C4BPA: variants seen among roughly 807,000 people sequenced by gnomAD.
The protein encoded by C4BPA is complement component 4 binding protein alpha.
In C4BPA, 31 loss-of-function variants were observed where a neutral mutation model predicts 63.7. The ratio of observed to expected loss-of-function variants is 0.49; its 90% confidence interval spans 0.37 to 0.66. C4BPA has a LOEUF of 0.66. Ranked by LOEUF, C4BPA falls within the 30% of genes least tolerant of loss-of-function variation. C4BPA has a pLI of 0.00. For synonymous variants in C4BPA, 259 were observed against 254.7 expected (o/e 1.02, Z -0.16); for missense variants, 572 against 723.3 (o/e 0.79, Z 2.40).
intron 9 of C4BPA, among the ~76,000 whole-genome samples, chr1:207,140,500 CT>C (rs79508731): frequency 8.5e-3 from 1,202 of 140,604 alleles, no homozygotes; most frequent in East Asian, 0.019. Context: ...TGCTGCTCTG[CT>C]TTTTTTTTTT....
intron 6 of C4BPA, 116 bp downstream of exon 6, chr1:207,124,482 C>A: frequency 2.7e-6 from 2 of 733,088 alleles, no homozygotes; most frequent in Non-Finnish European, 4.4e-6. Flanking sequence ...CTAACTATCG[C>A]TCTGATGCAA....
At chr1:207,137,192 G>C (rs973163848) in intron 9 of C4BPA, among the ~76,000 whole-genome samples, 14 of 152,226 alleles carry the variant, frequency 9.2e-5, no homozygotes, top group Non-Finnish European at 1.5e-5. Flanking sequence ...TCCAGCCGAA[G>C]AGCCCACATA....
At chr1:207,140,696 T>C (rs80083004) in intron 9 of C4BPA, among the ~76,000 whole-genome samples, 2,836 of 152,300 alleles carry the variant, frequency 0.019, 83 homozygotes, top group African/African-American at 0.065. Flanking sequence ...CAGTACTGAT[T>C]GGGGAGCAAT....
intron 2 of C4BPA, 66 bp from the exon 3 acceptor site, chr1:207,114,034 C>A: frequency 7.3e-7 from 1 of 1,367,358 alleles, no homozygotes; most frequent in Non-Finnish European, 1.0e-6. Context: ...CATCACACTT[C>A]AGAAACAATA....
intron 7 of C4BPA, among the ~76,000 whole-genome samples, chr1:207,128,396 C>T (rs1685091125): frequency 6.6e-6 from 1 of 152,154 alleles, no homozygotes; most frequent in African/African-American, 2.4e-5. Context: ...AGCTCCTGAT[C>T]TATAGGACAG....
At chr1:207,112,350 G>GT (rs61668698) in intron 1 of C4BPA, among the ~76,000 whole-genome samples, 1,634 of 114,156 alleles carry the variant, frequency 0.014, 20 homozygotes, top group South Asian at 0.044. Context: ...CTGCCTTTTT[G>GT]TTTTTTTTTT....
intron 9 of C4BPA, among the ~76,000 whole-genome samples, chr1:207,136,842 T>C (rs535251974): frequency 2.0e-5 from 3 of 152,142 alleles, no homozygotes; most frequent in Non-Finnish European, 4.4e-5. Flanking sequence ...ACCCTCCCCC[T>C]ACTAGAGCAA....
intron 1 of C4BPA, among the ~76,000 whole-genome samples, chr1:207,108,307 G>GA (rs1207567590): frequency 2.0e-5 from 3 of 150,892 alleles, no homozygotes; most frequent in East Asian, 1.9e-4. Context: ...TATTATTCCA[G>GA]AAAAAAAAAT....
rs1685503620 is a variant in C4BPA, at chr1:207,144,960, G to A, written c.*243G>A. ...AATTTTTTTTCGATTAAAAATGTATGTATAAAAAACTATTTTGTCTTTGTG... is the reference window on the plus strand; with the variant it reads ...AATTTTTTTTCGATTAAAAATGTATATATAAAAAACTATTTTGTCTTTGTG... On this transcript the variant is annotated 3_prime_UTR_variant, in exon 12 of 12. Transcript: ENST00000367070. 1.6e-5 allele frequency: 4 copies of A among 255,252 alleles called. No individual in the cohort carries two copies. In the South Asian group the frequency reaches 3.5e-4, roughly 22 times the overall value. 15.8% of individuals were successfully genotyped at this position (255,252 alleles called of 1,614,324 possible). A position where few individuals can be genotyped will look rare whatever the true frequency, so the allele number is the denominator to read the frequency against.
intron 9 of C4BPA, among the ~76,000 whole-genome samples, chr1:207,139,323 A>G (rs1480066004): frequency 1.3e-5 from 2 of 152,240 alleles, no homozygotes; most frequent in Non-Finnish European, 2.9e-5. Context: ...TGTAGTAGAC[A>G]GATAAGAATT....
Position 207,124,386 on chromosome 1 carries a change from T to G in C4BPA, c.706+20T>G. On this transcript the variant is annotated intron_variant, in intron 6 of 11. Transcript: ENST00000367070. ...GTGAAAGTAAGTCATAATGATGAAT[T>G]CTGCATCAAAATGTTTGCTCTCTTT... 6.4e-7 allele frequency: 1 copy of G among 1,553,754 alleles called. No individual in the cohort carries two copies. The highest frequency in any genetic ancestry group is 8.8e-7 in the Non-Finnish European group (1 of 1,130,858).
intron 8 of C4BPA, among the ~76,000 whole-genome samples, chr1:207,133,787 T>G (rs1685217825): frequency 6.6e-6 from 1 of 152,168 alleles, no homozygotes; most frequent in Non-Finnish European, 1.5e-5. Context: ...TCTCAAATTT[T>G]GCATCAAAAA....
At chr1:207,137,031 C>G (rs560549418) in intron 9 of C4BPA, among the ~76,000 whole-genome samples, 1 of 152,356 alleles carries the variant, frequency 6.6e-6, no homozygotes, top group South Asian at 2.1e-4. Flanking sequence ...GTCATTTCTT[C>G]TTAAATTTAT....
At chr1:207,131,920 A>C (rs1363683056) in intron 8 of C4BPA, among the ~76,000 whole-genome samples, 180 bp downstream of exon 8, 2 of 152,218 alleles carry the variant, frequency 1.3e-5, no homozygotes, top group Non-Finnish European at 1.5e-5. Flanking sequence ...TGAGGCACTG[A>C]GAAATTGTAA....
chr1:207,142,217 G>T (rs950642167), intron 10 of C4BPA, among the ~76,000 whole-genome samples: 6 of 152,174 alleles, frequency 3.9e-5, no homozygotes, highest in African/African-American at 1.4e-4. Flanking sequence ...ATGGTTTCCA[G>T]CTTCATCCAT....
At chr1:207,130,033 A>G (rs1269572502) in intron 7 of C4BPA, among the ~76,000 whole-genome samples, 7 of 152,216 alleles carry the variant, frequency 4.6e-5, no homozygotes, top group Non-Finnish European at 1.5e-5. Flanking sequence ...GCAATTATAT[A>G]CATATTGTTT....
At chr1:207,142,899 T>C (rs1377248616) in intron 10 of C4BPA, among the ~76,000 whole-genome samples, 1 of 152,058 alleles carries the variant, frequency 6.6e-6, no homozygotes, top group Non-Finnish European at 1.5e-5. Context: ...GAGTGTAAAT[T>C]AGTTCAACCA....
chr1:207,121,659 G>A (rs1422180908), intron 4 of C4BPA, among the ~76,000 whole-genome samples: 1 of 151,940 alleles, frequency 6.6e-6, no homozygotes, highest in Non-Finnish European at 1.5e-5. Context: ...ATATGTATGT[G>A]TATATTTATT....
chr1:207,115,531 T>G lies in C4BPA; in HGVS notation c.428+16T>G. On this transcript the variant is annotated intron_variant, in intron 4 of 11. Transcript: ENST00000367070. ...GTTCAGAAGGGTGAGTGTGAGGTAA[T>G]CTATGAACAATTCTTTTATATTTAT... 1 of 1,305,782 alleles carries G rather than the reference T, an allele frequency of 7.7e-7. No individual in the cohort carries two copies. The highest frequency in any genetic ancestry group is 1.1e-6 in the Non-Finnish European group (1 of 942,032). The allele number at this position is 1,305,782 out of a possible 1,614,324, so 80.9% of individuals were successfully genotyped here. A position where few individuals can be genotyped will look rare whatever the true frequency, so the allele number is the denominator to read the frequency against.
Sources: gnomAD v4.1 joint callset for allele counts (sites outside exome capture counted in the v4.1 genomes callset) on GRCh38, gnomAD v4.1.1 for gene constraint, MANE v1.5 for transcripts, NCBI Gene and HGNC (gene_info 2026-07-23, HGNC 2026-07-21) for gene names.